The following ITSN1 variants were observed in gnomAD, a reference collection of about 807,000 sequenced individuals.
ITSN1 encodes intersectin 1, also known as intersectin-1.
ITSN1 carries 58 observed loss-of-function variants against 239.8 expected under a neutral mutation model. That is an observed-to-expected ratio of 0.24 (90% CI 0.20 to 0.30). The LOEUF (loss-of-function observed/expected upper bound fraction) is 0.30, where lower values mean the gene tolerates loss of function less well. ITSN1 is among the 10% of genes least tolerant of loss of function. ITSN1 has a pLI of 1.00. For missense variants in ITSN1, 1,558 were observed against 2,103.3 expected, an observed-to-expected ratio of 0.74 and a Z score of 5.07; for synonymous variants, 780 against 770.8, an observed-to-expected ratio of 1.01 and a Z score of -0.20.
intron 29 of ITSN1, among the ~76,000 whole-genome samples, chr21:33,847,168 T>A (rs1602578102): frequency 6.6e-6 from 1 of 152,176 alleles, no homozygotes; most frequent in Non-Finnish European, 1.5e-5. Flanking sequence ...TCCATTGAGA[T>A]GAGAAGTCCA....
intron 1 of ITSN1, among the ~76,000 whole-genome samples, chr21:33,665,359 G>T (rs552934788): frequency 6.6e-6 from 1 of 152,272 alleles, no homozygotes; most frequent in South Asian, 2.1e-4. Context: ...TATCCAAATG[G>T]TCAACCAGTA....
At chr21:33,752,009 C>CT in intron 7 of ITSN1, 103 bp downstream of exon 7, 1 of 801,646 alleles carries the variant, frequency 1.2e-6, no homozygotes, top group Non-Finnish European at 2.1e-6. Context: ...TTGTTGTCAT[C>CT]TTTTTTGTAG....
chr21:33,760,030 T>G (rs564641245), intron 8 of ITSN1, among the ~76,000 whole-genome samples: 1 of 147,296 alleles, frequency 6.8e-6, no homozygotes, highest in African/African-American at 2.5e-5. Flanking sequence ...TGAACCCGGG[T>G]GGAGGAGGTT....
intron 1 of ITSN1, 132 bp from the exon 2 acceptor site, chr21:33,718,665 A>G (rs1476238274): frequency 4.5e-6 from 3 of 666,414 alleles, no homozygotes; most frequent in Non-Finnish European, 8.0e-6. Flanking sequence ...GAATGAATGA[A>G]TTCCTTAATT....
intron 1 of ITSN1, among the ~76,000 whole-genome samples, chr21:33,660,758 A>AT (rs1307272746): frequency 6.6e-6 from 1 of 152,114 alleles, no homozygotes; most frequent in Non-Finnish European, 1.5e-5. Flanking sequence ...TTTCTTAAGG[A>AT]TTGGTTGCAG....
At chr21:33,699,491 G>A (rs905623427) in intron 1 of ITSN1, among the ~76,000 whole-genome samples, 4 of 152,146 alleles carry the variant, frequency 2.6e-5, no homozygotes, top group Admixed American at 6.5e-5. Context: ...AGGCTGAGGC[G>A]GGCAGATTGC....
At chr21:33,655,574 G>A (rs894707483) in intron 1 of ITSN1, among the ~76,000 whole-genome samples, 8 of 146,892 alleles carry the variant, frequency 5.4e-5, no homozygotes, top group African/African-American at 2.0e-4. Context: ...GCACCACCAT[G>A]CCTGGCTAAT....
chr21:33,680,491 C>T (rs1292978258), intron 1 of ITSN1, among the ~76,000 whole-genome samples: 2 of 151,998 alleles, frequency 1.3e-5, no homozygotes, highest in East Asian at 3.8e-4. Context: ...ACCACCACAC[C>T]CGGCTAATTT....
intron 38 of ITSN1, among the ~76,000 whole-genome samples, chr21:33,886,035 C>T (rs768782104): frequency 9.2e-5 from 14 of 151,784 alleles, no homozygotes; most frequent in Non-Finnish European, 1.6e-4. Flanking sequence ...GGTGAAAGCC[C>T]GTCTTTACTA....
At position 33,833,915 on chromosome 21, in the gene ITSN1, CATTATT is replaced by C. The variant is rs59665729; in HGVS notation, c.3352-373_3352-368del. Among the ~76,000 whole-genome samples, 131 of 149,904 alleles carry C rather than the reference CATTATT, an allele frequency of 8.7e-4. 1 individual carries two copies. Among genetic ancestry groups the C allele is most frequent in the Non-Finnish European group, 8.0e-4 (54 of 67,472 alleles). ...GAAGTACTCAGTGTGTATTGGTGGCCATTATTATTATTATTATTATTATTCCTAAAA... is the reference window on the plus strand; with the variant it reads ...GAAGTACTCAGTGTGTATTGGTGGCCATTATTATTATTATTATTCCTAAAA... On this transcript the variant is annotated intron_variant, in intron 27 of 39. Coordinates refer to ENST00000381318, the MANE Select transcript of ITSN1 (RefSeq NM_003024.3).
chr21:33,725,133 G>GTTTTTTTT (rs1171718411), intron 4 of ITSN1, among the ~76,000 whole-genome samples: 5 of 91,176 alleles, frequency 5.5e-5, no homozygotes, highest in South Asian at 4.2e-4. Context: ...TTTTTTTTTT[G>GTTTTTTTT]TTTTTTTTTT....
intron 34 of ITSN1, among the ~76,000 whole-genome samples, chr21:33,879,849 T>G (rs551001398): frequency 6.6e-6 from 1 of 152,276 alleles, no homozygotes; most frequent in East Asian, 1.9e-4. Flanking sequence ...CCAGCTAATT[T>G]TTGTATTTTT....
Position 33,807,498 on chromosome 21 carries a change from C to T in ITSN1, c.2320-3477C>T, listed in dbSNP as rs563445307. 5.5e-4 allele frequency among the ~76,000 whole-genome samples: 83 copies of T among 152,206 alleles called. 1 individual carries two copies. The South Asian group carries it at 0.017, about 31-fold the overall frequency. On this transcript the variant is annotated intron_variant, in intron 20 of 39. Transcript: ENST00000381318. ...AATTACAGGCATGTGCCACCACGCC[C>T]GGCTAATTTTTGTATTTTTTGTAGA...
At chr21:33,756,250 T>C (rs1482271389) in intron 8 of ITSN1, among the ~76,000 whole-genome samples, 1 of 138,660 alleles carries the variant, frequency 7.2e-6, no homozygotes, top group Non-Finnish European at 1.5e-5. Flanking sequence ...ATCATGCCAC[T>C]GCACTCCATC....
At chr21:33,750,925 C>T (rs2067507374) in intron 6 of ITSN1, among the ~76,000 whole-genome samples, 1 of 152,076 alleles carries the variant, frequency 6.6e-6, no homozygotes, top group African/African-American at 2.4e-5. Flanking sequence ...TTAATGAATT[C>T]ATATCAATAT....
At chr21:33,690,692 T>C (rs149111741) in intron 1 of ITSN1, among the ~76,000 whole-genome samples, 6,005 of 137,372 alleles carry the variant, frequency 0.044, 459 homozygotes, top group African/African-American at 0.15. Context: ...ACTGGGGAGG[T>C]GGAGGTTGCA....
chr21:33,787,558 A>G (rs1416723535), intron 16 of ITSN1, among the ~76,000 whole-genome samples: 2 of 152,222 alleles, frequency 1.3e-5, no homozygotes, highest in Admixed American at 6.5e-5. Context: ...TAAAGCCTTT[A>G]TACTCTTGGT....
chr21:33,785,705 T>C (rs919145033), intron 16 of ITSN1, among the ~76,000 whole-genome samples: 4 of 152,236 alleles, frequency 2.6e-5, no homozygotes, highest in African/African-American at 7.2e-5. Context: ...GGCATACTTA[T>C]AATCGTGATC....
chr21:33,652,629 G>A (rs1332570224), intron 1 of ITSN1, among the ~76,000 whole-genome samples: 1 of 152,162 alleles, frequency 6.6e-6, no homozygotes, highest in East Asian at 1.9e-4. Flanking sequence ...CCCCTATCAT[G>A]TAAAAGGTAC....
Sources: gnomAD v4.1 joint callset for allele counts (sites outside exome capture counted in the v4.1 genomes callset) on GRCh38, gnomAD v4.1.1 for gene constraint, MANE v1.5 for transcripts, NCBI Gene and HGNC (gene_info 2026-07-23, HGNC 2026-07-21) for gene names.